Variants in NRG1 observed in about 807,000 individuals in gnomAD.
NRG1 encodes the protein neuregulin 1.
A neutral mutation model predicts 63.8 loss-of-function variants in NRG1; 18 were observed. That is an observed-to-expected ratio of 0.28 (90% confidence interval 0.19 to 0.42). The LOEUF (loss-of-function observed/expected upper bound fraction) is 0.42, where lower values mean the gene tolerates loss of function less well. Among genes scored for constraint, NRG1 ranks in the 10% least tolerant of loss-of-function variants. The pLI, the probability that NRG1 is intolerant of heterozygous loss-of-function variation, is 1.00. For synonymous variants in NRG1, 302 were observed against 301.3 expected (o/e 1.00, Z -0.02); for missense variants, 762 against 814.7 (o/e 0.94, Z 0.79).
intron 1 of NRG1, among the ~76,000 whole-genome samples, chr8:32,062,150 A>G (rs1188962058): frequency 6.6e-6 from 1 of 152,092 alleles, no homozygotes; most frequent in Non-Finnish European, 1.5e-5. Flanking sequence ...TAAAAGGGAA[A>G]GGTCCTTTCT....
chr8:31,862,648 C>G (rs866708777), intron 1 of NRG1, among the ~76,000 whole-genome samples: 10 of 152,286 alleles, frequency 6.6e-5, no homozygotes, highest in Middle Eastern at 3.4e-3. Flanking sequence ...AAAATAATAT[C>G]AGCATTTAAA....
chr8:32,060,493 A>G (rs1823662941), intron 1 of NRG1, among the ~76,000 whole-genome samples: 1 of 151,980 alleles, frequency 6.6e-6, no homozygotes, highest in African/African-American at 2.4e-5. Flanking sequence ...AATTAGTTCA[A>G]TTTTTTTAGA....
rs191206818 is a variant in NRG1 at position 31,866,732 on chromosome 8, A to C, written c.37+227301A>C. ...TGTGTTGCTGTTATCTCTAGATAGG[A>C]GCAAACTTCATAAAATGTAGAATTC... is the stretch of plus-strand genomic sequence containing the variant. On this transcript the variant is annotated intron_variant, in intron 1 of 10. Transcript: ENST00000519301. Among the ~76,000 whole-genome samples, 21 of 152,296 alleles carry C rather than the reference A, an allele frequency of 1.4e-4. No homozygotes were observed. In the East Asian group the frequency reaches 3.9e-3, roughly 28 times the overall value.
intron 1 of NRG1, among the ~76,000 whole-genome samples, chr8:32,368,107 T>C (rs1808327299): frequency 6.6e-6 from 1 of 152,240 alleles, no homozygotes; most frequent in African/African-American, 2.4e-5. Context: ...GGTACTGTTA[T>C]GCCTCCAGTT....
intron 1 of NRG1, among the ~76,000 whole-genome samples, chr8:32,292,257 C>A (rs940567854): frequency 2.0e-5 from 3 of 152,120 alleles, no homozygotes; most frequent in African/African-American, 2.4e-5. Flanking sequence ...TTTCAAAAGG[C>A]TTTTTTATTC....
At chr8:32,443,210 G>A (rs1287336007) in intron 1 of NRG1, among the ~76,000 whole-genome samples, 3 of 152,022 alleles carry the variant, frequency 2.0e-5, no homozygotes, top group African/African-American at 7.3e-5. Flanking sequence ...CCAAAGTGCT[G>A]GCATTATAGG....
chr8:32,549,862 C>A (rs1833796641), intron 1 of NRG1, among the ~76,000 whole-genome samples: 1 of 152,152 alleles, frequency 6.6e-6, no homozygotes, highest in African/African-American at 2.4e-5. Context: ...TTATTTTTTG[C>A]CTCTGCAATT....
At chr8:31,766,261 A>C (rs1818044481) in intron 1 of NRG1, among the ~76,000 whole-genome samples, 1 of 152,166 alleles carries the variant, frequency 6.6e-6, no homozygotes, top group South Asian at 2.1e-4. Context: ...GACACACTTC[A>C]ACCTACCACG....
rs554892567 is a variant in NRG1 at position 32,706,227 on chromosome 8, T to C, written c.503-21722T>C. 3.3e-5 allele frequency among the ~76,000 whole-genome samples: 5 copies of C among 152,314 alleles called. No homozygotes were observed. In the East Asian group the frequency reaches 9.6e-4, roughly 29 times the overall value. The stretch of plus-strand genomic sequence containing the variant: ...TGTGACTGTCGTGGAGAAGCCCCTT[T>C]TGGATGAAGCTTTACGGAGGATTTT... On this transcript the variant is annotated intron_variant, in intron 5 of 11. Transcript: ENST00000356819.
intron 1 of NRG1, among the ~76,000 whole-genome samples, chr8:31,969,648 T>A (rs545188002): frequency 1.8e-4 from 28 of 152,310 alleles, no homozygotes; most frequent in Non-Finnish European, 3.5e-4. Context: ...TAGATGCATG[T>A]CCTTCTTGCA....
chr8:32,424,672 C>T (rs1391234511), intron 1 of NRG1, among the ~76,000 whole-genome samples: 5 of 152,102 alleles, frequency 3.3e-5, no homozygotes, highest in African/African-American at 1.2e-4. Flanking sequence ...AAGTTCAAGA[C>T]ATGCCTTGGC....
chr8:32,308,258 A>T (rs765082540), intron 1 of NRG1, among the ~76,000 whole-genome samples: 2 of 152,214 alleles, frequency 1.3e-5, no homozygotes, highest in Admixed American at 1.3e-4. Flanking sequence ...TTGTGGCCAC[A>T]GTGATCTTTA....
At chr8:32,473,815 C>G (rs1162234478) in intron 1 of NRG1, among the ~76,000 whole-genome samples, 2 of 152,146 alleles carry the variant, frequency 1.3e-5, no homozygotes, top group Non-Finnish European at 2.9e-5. Flanking sequence ...TGCTGAGTAG[C>G]TAGGACTACA....
At position 32,233,561 on chromosome 8, in the gene NRG1, ATAT is replaced by A. The variant is rs1212972136; in HGVS notation, c.38-362265_38-362263del. Among the ~76,000 whole-genome samples the A allele has an allele frequency of 5.0e-3, 297 of 59,300 alleles. 1 individual carries two copies. Among genetic ancestry groups the A allele is most frequent in the African/African-American group, 0.023 (282 of 12,198 alleles). 38.9% of individuals were successfully genotyped at this position (59,300 alleles called of 152,430 possible). A position where few individuals can be genotyped will look rare whatever the true frequency, so the allele number is the denominator to read the frequency against. ...AATATATATATATATATATATATATATATTTTTTTTTTTTTTTCTTTTGAAACG... is the reference window on the plus strand; with the variant it reads ...AATATATATATATATATATATATATATTTTTTTTTTTTTTCTTTTGAAACG... On this transcript the variant is annotated intron_variant, in intron 1 of 10. Coordinates refer to the NRG1 transcript ENST00000519301.
intron 1 of NRG1, among the ~76,000 whole-genome samples, chr8:31,677,768 T>C (rs1807876883): frequency 1.3e-5 from 2 of 152,214 alleles, no homozygotes; most frequent in Non-Finnish European, 2.9e-5. Flanking sequence ...CTAGAACTCC[T>C]GGTTGGATAC....
At chr8:32,019,441 G>C (rs1816096107) in intron 1 of NRG1, among the ~76,000 whole-genome samples, 1 of 152,232 alleles carries the variant, frequency 6.6e-6, no homozygotes, top group Non-Finnish European at 1.5e-5. Flanking sequence ...ACTTTGTAAT[G>C]TATGTGTACA....
intron 1 of NRG1, among the ~76,000 whole-genome samples, chr8:32,163,960 C>T (rs1328643720): frequency 6.6e-6 from 1 of 152,168 alleles, no homozygotes; most frequent in African/African-American, 2.4e-5. Flanking sequence ...CTAACTGCCT[C>T]TGTGGCTTCA....
intron 1 of NRG1, among the ~76,000 whole-genome samples, chr8:31,863,668 C>A (rs1828682511): frequency 6.6e-6 from 1 of 152,186 alleles, no homozygotes; most frequent in African/African-American, 2.4e-5. Context: ...TTTTCTTTTA[C>A]CATCTTGCCC....
At chr8:32,763,807 G>T in exon 12 of NRG1, 9 of 1,597,148 alleles carry the variant, frequency 5.6e-6, no homozygotes, top group Non-Finnish European at 7.7e-6. Context: ...CACACGCCAA[G>T]CTCCCCCAAA....
Sources: allele counts gnomAD v4.1 joint callset (sites outside exome capture counted in the v4.1 genomes callset), GRCh38; gene constraint gnomAD v4.1.1; transcripts MANE v1.5; gene names NCBI Gene and HGNC (gene_info 2026-07-23, HGNC 2026-07-21).